The following ANO6 variants were observed in gnomAD, a reference collection of about 807,000 sequenced individuals.
ANO6 encodes anoctamin-6.
A neutral mutation model predicts 117.5 loss-of-function variants in ANO6; 106 were observed. The ratio of observed to expected loss-of-function variants is 0.90; its 90% confidence interval spans 0.77 to 1.06. The LOEUF (loss-of-function observed/expected upper bound fraction) is 1.06, where lower values mean the gene tolerates loss of function less well. ANO6 is among the 50% of genes least tolerant of loss of function. ANO6 has a pLI of 0.00. For missense variants in ANO6, 955 were observed against 1,121.1 expected (o/e 0.85, Z 2.12); for synonymous variants, 367 against 385.1 (o/e 0.95, Z 0.55).
intron 12 of ANO6, among the ~76,000 whole-genome samples, chr12:45,391,476 T>C (rs1353236496): frequency 6.6e-6 from 1 of 152,182 alleles, no homozygotes; most frequent in Non-Finnish European, 1.5e-5. Context: ...GATTATTCAA[T>C]AAATAGTAAT....
chr12:45,438,246 C>CGT (rs753586049), intron 19 of ANO6, among the ~76,000 whole-genome samples: 4 of 125,258 alleles, frequency 3.2e-5, no homozygotes, highest in African/African-American at 2.7e-5. Context: ...CACATATTTG[C>CGT]GTGTATGTGT....
At chr12:45,334,727 G>T (rs532759493) in intron 3 of ANO6, among the ~76,000 whole-genome samples, 11 of 151,992 alleles carry the variant, frequency 7.2e-5, no homozygotes, top group Non-Finnish European at 1.6e-4. Flanking sequence ...TGGCTGTTCC[G>T]TAGGCAGCCA....
chr12:45,335,762 C>T (rs934810800), intron 3 of ANO6: 1 of 151,916 alleles, frequency 6.6e-6, no homozygotes, highest in South Asian at 2.1e-4. Context: ...TTAACTTTTT[C>T]CAATTACTGA....
chr12:45,222,403 C>T (rs1013476560), intron 1 of ANO6, among the ~76,000 whole-genome samples: 2 of 152,036 alleles, frequency 1.3e-5, no homozygotes, highest in Non-Finnish European at 2.9e-5. Flanking sequence ...TCAGGTGATC[C>T]GCCTGCCTCG....
intron 1 of ANO6, among the ~76,000 whole-genome samples, chr12:45,285,805 G>C (rs1938895635): frequency 6.6e-6 from 1 of 152,184 alleles, no homozygotes; most frequent in East Asian, 1.9e-4. Context: ...GGATGGTCTG[G>C]AGAGGAGGTC....
chr12:45,388,420 C>A, intron 11 of ANO6, 117 bp downstream of exon 11: 2 of 1,285,746 alleles, frequency 1.6e-6, no homozygotes, highest in Non-Finnish European at 2.2e-6. Flanking sequence ...TGAGTTCCAT[C>A]ACTACATACT....
rs559767574 is a variant in ANO6 at position 45,400,672 on chromosome 12, T to C, written c.1387-1123T>C. On this transcript the variant is annotated intron_variant, in intron 12 of 19. Transcript: ENST00000320560. Reference sequence around the variant, plus strand: ...AGTATTCCTAATACACAAGAGAAGATATTGAAGCCCCAGTGGAGCTTGTAC... The same window carrying C: ...AGTATTCCTAATACACAAGAGAAGACATTGAAGCCCCAGTGGAGCTTGTAC... Among the ~76,000 whole-genome samples, 18 of 152,316 alleles carry C rather than the reference T, an allele frequency of 1.2e-4. No individual in the cohort carries two copies. The East Asian group carries it at 3.1e-3, about 26-fold the overall frequency.
intron 1 of ANO6, among the ~76,000 whole-genome samples, chr12:45,293,874 C>T (rs568955440): frequency 6.6e-4 from 100 of 151,718 alleles, no homozygotes; most frequent in African/African-American, 2.2e-3. Flanking sequence ...TGAGCCACTG[C>T]GCCCGGCCAA....
In ANO6 at chr12:45,302,035, C is replaced by A. The variant is rs774160080; in HGVS notation, c.92C>A (p.Thr31Lys). 7 of 1,613,844 alleles carry A rather than the reference C, an allele frequency of 4.3e-6. No homozygotes were observed. The highest frequency in any genetic ancestry group is 5.1e-6 in the Non-Finnish European group (6 of 1,179,906). The change falls in exon 2 of 20, where the codon ACA becomes AAA. Residue 31 changes from threonine to lysine, a missense_variant. Coordinates refer to ENST00000320560, the MANE Select transcript of ANO6 (RefSeq NM_001025356.3). ...TTAGTGTTGGAAAACCTTGGACAGACAATTGTCCCCGATTTGGGATCACTG... is the reference window on the plus strand; with the variant it reads ...TTAGTGTTGGAAAACCTTGGACAGAAAATTGTCCCCGATTTGGGATCACTG... ...GDIVLENLGQ[T>K]IVPDLGSLES...
chr12:45,379,133 T>C (rs1942105609), intron 10 of ANO6, among the ~76,000 whole-genome samples: 1 of 152,180 alleles, frequency 6.6e-6, no homozygotes, highest in African/African-American at 2.4e-5. Flanking sequence ...AGAATTCAGG[T>C]TATAGGAAGG....
intron 1 of ANO6, among the ~76,000 whole-genome samples, chr12:45,295,091 T>C (rs867198675): frequency 1.3e-5 from 2 of 152,360 alleles, no homozygotes; most frequent in African/African-American, 4.8e-5. Flanking sequence ...GGCTAAACCA[T>C]GTAGCGCTCT....
At chr12:45,264,207 C>T (rs1291387858) in intron 1 of ANO6, among the ~76,000 whole-genome samples, 1 of 152,180 alleles carries the variant, frequency 6.6e-6, no homozygotes, top group Non-Finnish European at 1.5e-5. Flanking sequence ...TTTTCTTCTT[C>T]CCACATCTTG....
At chr12:45,267,739 T>G (rs1938265136) in intron 1 of ANO6, among the ~76,000 whole-genome samples, 1 of 152,140 alleles carries the variant, frequency 6.6e-6, no homozygotes, top group East Asian at 1.9e-4. Context: ...TACAGTGAGC[T>G]GAGAACATGC....
At chr12:45,428,117 G>A (rs899561517) in intron 19 of ANO6, among the ~76,000 whole-genome samples, 1 of 152,128 alleles carries the variant, frequency 6.6e-6, no homozygotes, top group Non-Finnish European at 1.5e-5. Flanking sequence ...CCACACTCTT[G>A]AGAAACTTGC....
At chr12:45,400,119 T>C (rs1000317950) in intron 12 of ANO6, among the ~76,000 whole-genome samples, 4 of 152,148 alleles carry the variant, frequency 2.6e-5, no homozygotes, top group Non-Finnish European at 4.4e-5. Flanking sequence ...CTTGGACATA[T>C]TGCTTAATGT....
chr12:45,379,358 C>T (rs1942111690), intron 10 of ANO6, among the ~76,000 whole-genome samples: 1 of 152,174 alleles, frequency 6.6e-6, no homozygotes, highest in South Asian at 2.1e-4. Flanking sequence ...AGATAAAGTG[C>T]ACTGTAAGGT....
chr12:45,335,121 A>G (rs1010628424), intron 3 of ANO6, among the ~76,000 whole-genome samples: 14 of 152,032 alleles, frequency 9.2e-5, no homozygotes, highest in Non-Finnish European at 2.1e-4. Flanking sequence ...TTGAAGTTGA[A>G]AAGTTTATAT....
chr12:45,307,477 TG>T (rs1245657375), intron 2 of ANO6, among the ~76,000 whole-genome samples: 1 of 152,064 alleles, frequency 6.6e-6, no homozygotes, highest in African/African-American at 2.4e-5. Flanking sequence ...AGGAGCAGTT[TG>T]GGGAGAGGAT....
chr12:45,364,894 A>G (rs1162998608), intron 8 of ANO6, among the ~76,000 whole-genome samples: 1 of 152,246 alleles, frequency 6.6e-6, no homozygotes, highest in Admixed American at 6.5e-5. Flanking sequence ...ATTATAATGT[A>G]GCAAATCTGG....
Sources: gnomAD v4.1 joint callset for allele counts (sites outside exome capture counted in the v4.1 genomes callset) on GRCh38, gnomAD v4.1.1 for gene constraint, MANE v1.5 for transcripts, NCBI Gene and HGNC (gene_info 2026-07-23, HGNC 2026-07-21) for gene names.